The following FLT4 variants were observed in gnomAD, a reference collection of about 807,000 sequenced individuals.
FLT4 encodes fms related receptor tyrosine kinase 4, also known as vascular endothelial growth factor receptor 3.
A neutral mutation model predicts 163.2 loss-of-function variants in FLT4; 30 were observed. That is an observed-to-expected ratio of 0.18 (90% confidence interval 0.14 to 0.25). FLT4 has a LOEUF of 0.25. FLT4 is among the 10% of genes least tolerant of loss of function. FLT4 has a pLI of 1.00. For synonymous variants in FLT4, 884 were observed against 789.5 expected (o/e 1.12, Z -2.01); for missense variants, 1,510 against 1,863.8 (o/e 0.81, Z 3.50).
intron 1 of FLT4, among the ~76,000 whole-genome samples, chr5:180,642,024 T>C (rs145798410): frequency 0.028 from 4,275 of 152,060 alleles, 191 homozygotes; most frequent in African/African-American, 0.096. Context: ...CTGGCCAACA[T>C]GGTGAAACCC....
chr5:180,623,066 T>C lies in FLT4; in HGVS notation c.1549-227A>G, dbSNP rs72818909. Among the ~76,000 whole-genome samples, 3,971 of 151,856 alleles carry C rather than the reference T, an allele frequency of 0.026. 90 individuals are homozygous for C. Among genetic ancestry groups the C allele is most frequent in the East Asian group, 0.086 (440 of 5,142 alleles). On this transcript the variant is annotated intron_variant, in intron 11 of 29. Transcript: ENST00000261937. The surrounding 1 kb of genome is among the most constrained non-coding windows in gnomAD (Gnocchi z 5.8). ...GCTGCCCAGAAAAGTCAAGGGACAG[T>C]GTATGGACTGCTGGCCTAGGCTGCA...
intron 21 of FLT4, 141 bp from the exon 22 acceptor site, chr5:180,617,135 C>A: frequency 1.4e-6 from 1 of 696,382 alleles, no homozygotes; most frequent in South Asian, 1.5e-5. Context: ...CTCCAGAGCA[C>A]CCTCTCCTGC....
At chr5:180,619,798 G>A (rs2127809742) in intron 17 of FLT4, 29 bp from the exon 18 acceptor site, 1 of 1,544,642 alleles carries the variant, frequency 6.5e-7, no homozygotes, top group African/African-American at 1.4e-5. Flanking sequence ...AGTTGCAGGT[G>A]AGCTGTACGG....
At chr5:180,629,569 G>T in intron 6 of FLT4, 127 bp downstream of exon 6, 1 of 1,443,434 alleles carries the variant, frequency 6.9e-7, no homozygotes. Context: ...TGGAACACTT[G>T]CCACTCAGAC....
At chr5:180,619,426 C>CTGGCCCCTTAGCTAAGGCACAG (rs70973949) in intron 18 of FLT4, 60 bp from the exon 19 acceptor site, 5 of 1,390,156 alleles carry the variant, frequency 3.6e-6, no homozygotes, top group Non-Finnish European at 5.0e-6. Flanking sequence ...TTCCCCGCCA[C>CTGGCCCCTTAGCTAAGGCACAG]CCGGCGCTTT....
chr5:180,601,768 G>A lies in FLT4; in HGVS notation c.*1424C>T, dbSNP rs1581594512. On this transcript the variant is annotated 3_prime_UTR_variant, in exon 30 of 30. Transcript: ENST00000261937. Reference sequence around the variant, plus strand: ...CGTGCAGAGGAAGGGGGAGGTCCACGGGGACGACGAAGATGACCTTATACG... The same window carrying A: ...CGTGCAGAGGAAGGGGGAGGTCCACAGGGACGACGAAGATGACCTTATACG... 2 of 233,146 alleles carry A rather than the reference G, an allele frequency of 8.6e-6. No individual in the cohort carries two copies. The highest frequency in any genetic ancestry group is 5.6e-5 in the Admixed American group (1 of 17,772). The allele number at this position is 233,146 out of a possible 1,614,324, so 14.4% of individuals were successfully genotyped here.
At chr5:180,619,508 G>A in intron 18 of FLT4, 142 bp from the exon 19 acceptor site, 3 of 952,262 alleles carry the variant, frequency 3.2e-6, no homozygotes, top group Non-Finnish European at 5.2e-6. Flanking sequence ...GGGTTCGGGT[G>A]GTCCCTCGGC....
rs574607287 is a variant in FLT4, at chr5:180,647,604, G to A, written c.58+1884C>T. ...CACCGGACCAGCTGCCCTGACACCCGACTGCAGCTGAGGGCTTGTGCTTCC... is the reference window on the plus strand; with the variant it reads ...CACCGGACCAGCTGCCCTGACACCCAACTGCAGCTGAGGGCTTGTGCTTCC... On this transcript the variant is annotated intron_variant, in intron 1 of 29. Coordinates refer to ENST00000261937, the MANE Select transcript of FLT4 (RefSeq NM_182925.5). 7.3e-5 allele frequency among the ~76,000 whole-genome samples: 11 copies of A among 150,744 alleles called. No homozygotes were observed. The South Asian group carries it at 1.1e-3, about 15-fold the overall frequency.
chr5:180,615,301 C>G (rs55703303), intron 23 of FLT4, among the ~76,000 whole-genome samples: 1 of 87,468 alleles, frequency 1.1e-5, no homozygotes, highest in Non-Finnish European at 2.6e-5. Flanking sequence ...TGGGCCCCGC[C>G]GGTCACCTCC....
At chr5:180,607,362 C>T (rs944519774) in intron 29 of FLT4, among the ~76,000 whole-genome samples, 13 of 152,142 alleles carry the variant, frequency 8.5e-5, no homozygotes, top group East Asian at 1.9e-4. Flanking sequence ...AGTGGCCGGG[C>T]GCGGTGGCTC....
intron 26 of FLT4, 117 bp from the exon 27 acceptor site, chr5:180,611,596 GC>G: frequency 9.9e-7 from 1 of 1,014,320 alleles, no homozygotes; most frequent in Non-Finnish European, 1.4e-6. Flanking sequence ...CTCAGCCCTC[GC>G]CCCCGCACTC....
rs151108792 is a variant in FLT4 at position 180,641,808 on chromosome 5, G to A, written c.58+7680C>T. ...CCGCACTGCCGCTCTTTGCTGTATG[G>A]TCTTGGGCAAATCACTTCCTCTCTC... On this transcript the variant is annotated intron_variant, in intron 1 of 29. Coordinates refer to ENST00000261937, the MANE Select transcript of FLT4 (RefSeq NM_182925.5). Among the ~76,000 whole-genome samples the A allele has an allele frequency of 2.7e-3, 414 of 152,320 alleles. 3 individuals are homozygous for A. The highest frequency in any genetic ancestry group is 9.3e-3 in the African/African-American group (386 of 41,574).
intron 2 of FLT4, among the ~76,000 whole-genome samples, chr5:180,631,452 G>C (rs573525215): frequency 7.9e-5 from 12 of 151,870 alleles, no homozygotes; most frequent in Non-Finnish European, 1.3e-4. Context: ...CAGCCTGGGT[G>C]ACAGAGTGAG....
At chr5:180,609,690 T>TC (rs756868266) in intron 28 of FLT4, 16 of 561,962 alleles carry the variant, frequency 2.8e-5, no homozygotes, top group African/African-American at 1.1e-4. Flanking sequence ...AGGGGAGGCC[T>TC]CGTGTGGGGG....
chr5:180,621,650 G>A lies in FLT4; in HGVS notation c.1912C>T (p.Leu638=). Residue 638 remains leucine, a synonymous_variant, in exon 13 of 30, where the codon CTG becomes TTG. Transcript: ENST00000261937. ...TCGGGCGCGACGCGGGGGATACTCA[G>A]GCTGAGCGTGGCGTGGCGCGCCCCA... is the stretch of plus-strand genomic sequence containing the variant. ...APGARHATLS[L]SIPRVAPEHE... 6.2e-7 allele frequency: 1 copy of A among 1,608,458 alleles called. No homozygotes were observed. The highest frequency in any genetic ancestry group is 8.5e-7 in the Non-Finnish European group (1 of 1,176,538).
intron 1 of FLT4, among the ~76,000 whole-genome samples, chr5:180,643,379 A>T (rs893640091): frequency 6.6e-6 from 1 of 152,100 alleles, no homozygotes; most frequent in Non-Finnish European, 1.5e-5. Context: ...TCCTGACAGC[A>T]GCTTGGCGTG....
At chr5:180,621,986 G>GCCTCCCTC (rs10635355) in intron 12 of FLT4, 82 bp from the exon 13 acceptor site, 100 of 1,301,178 alleles carry the variant, frequency 7.7e-5, no homozygotes, top group African/African-American at 6.9e-4. Context: ...GTCTCCTCCT[G>GCCTCCCTC]CCTCCCTCCC....
intron 26 of FLT4, chr5:180,612,268 G>T: frequency 1.7e-6 from 1 of 587,690 alleles, no homozygotes; most frequent in Non-Finnish European, 3.1e-6. Flanking sequence ...GCAGGGACAG[G>T]CTCTGACTAT....
chr5:180,646,800 T>C (rs1581721920), intron 1 of FLT4, among the ~76,000 whole-genome samples: 1 of 151,342 alleles, frequency 6.6e-6, no homozygotes, highest in Non-Finnish European at 1.5e-5. Flanking sequence ...CTGCTGGGGG[T>C]TACAGTGAAG....
Sources: gnomAD v4.1 joint callset for allele counts (sites outside exome capture counted in the v4.1 genomes callset) on GRCh38, gnomAD v4.1.1 for gene constraint, Gnocchi (gnomAD v3.1) non-coding constraint, MANE v1.5 for transcripts, NCBI Gene and HGNC (gene_info 2026-07-23, HGNC 2026-07-21) for gene names.